The following PDZD2 variants were observed in gnomAD, a reference collection of about 807,000 sequenced individuals.
The protein encoded by PDZD2 is PDZ domain-containing protein 2.
In PDZD2, 90 loss-of-function variants were observed where a neutral mutation model predicts 220.7. The observed-to-expected ratio is 0.41, with a 90% CI of 0.34 to 0.49. PDZD2 has a LOEUF of 0.49. Among genes scored for constraint, PDZD2 ranks in the 20% least tolerant of loss-of-function variants. The probability of loss-of-function intolerance (pLI) is 0.28; values close to 1 mark genes in which losing one functional copy is unlikely to be tolerated. For synonymous variants in PDZD2, 1,375 were observed against 1,450.5 expected (o/e 0.95, Z 1.18); for missense variants, 3,174 against 3,608.5 (o/e 0.88, Z 3.08).
At chr5:31,935,542 TA>T (rs1306484019) in intron 2 of PDZD2, among the ~76,000 whole-genome samples, 4 of 152,232 alleles carry the variant, frequency 2.6e-5, no homozygotes, top group Non-Finnish European at 4.4e-5. Context: ...AGAAAAGTTG[TA>T]AATTTGGTGT....
At chr5:31,821,906 CAT>C in intron 2 of PDZD2, among the ~76,000 whole-genome samples, 1 of 150,220 alleles carries the variant, frequency 6.7e-6, no homozygotes, top group East Asian at 1.9e-4. Flanking sequence ...CGTGTGTTCT[CAT>C]TGTTCAACTC....
chr5:31,868,508 T>C (rs74905210), intron 2 of PDZD2, among the ~76,000 whole-genome samples: 3,146 of 152,282 alleles, frequency 0.021, 106 homozygotes, highest in African/African-American at 0.073. Context: ...AGCATACCTG[T>C]CTTGCTTTTC....
chr5:32,105,927 T>TACA (rs1386957907), intron 24 of PDZD2, among the ~76,000 whole-genome samples: 2 of 152,252 alleles, frequency 1.3e-5, no homozygotes, highest in Non-Finnish European at 2.9e-5. Context: ...CTCTGCTTTG[T>TACA]ACAACACTGA....
intron 1 of PDZD2, among the ~76,000 whole-genome samples, chr5:31,678,579 C>T (rs1364418670): frequency 6.6e-6 from 1 of 152,094 alleles, no homozygotes; most frequent in Non-Finnish European, 1.5e-5. Flanking sequence ...CATCACAGCA[C>T]CCCCTACAGC....
chr5:31,805,245 T>C lies in PDZD2; in HGVS notation c.476+5521T>C, dbSNP rs184062356. Among the ~76,000 whole-genome samples, 15 of 152,342 alleles carry C rather than the reference T, an allele frequency of 9.8e-5. No individual in the cohort carries two copies. In the East Asian group the frequency reaches 2.7e-3, roughly 27 times the overall value. ...GCCCAATTGTAATATAGACTCCTTTTGGCAAACTTAGCTCTAGCCAGAGCT... is the reference window on the plus strand; with the variant it reads ...GCCCAATTGTAATATAGACTCCTTTCGGCAAACTTAGCTCTAGCCAGAGCT... On this transcript the variant is annotated intron_variant, in intron 2 of 24. Coordinates refer to ENST00000438447, the MANE Select transcript of PDZD2 (RefSeq NM_178140.4).
At chr5:32,043,542 T>C (rs1398530048) in intron 7 of PDZD2, among the ~76,000 whole-genome samples, 2 of 152,246 alleles carry the variant, frequency 1.3e-5, no homozygotes, top group Non-Finnish European at 2.9e-5. Context: ...TTTGGAAGAA[T>C]GCATATGGCA....
intron 18 of PDZD2, among the ~76,000 whole-genome samples, chr5:32,074,967 C>T (rs994371828): frequency 2.6e-4 from 39 of 152,206 alleles, no homozygotes; most frequent in African/African-American, 9.1e-4. Context: ...CACACCACCA[C>T]GCCTGGCTAA....
intron 1 of PDZD2, among the ~76,000 whole-genome samples, chr5:31,685,161 C>A (rs11956067): frequency 6.6e-6 from 1 of 151,988 alleles, no homozygotes; most frequent in Admixed American, 6.6e-5. Context: ...CTGCCCTACC[C>A]GCTTGACCCC....
chr5:31,887,250 AAC>A (rs1342917857), intron 2 of PDZD2, among the ~76,000 whole-genome samples: 3 of 152,174 alleles, frequency 2.0e-5, no homozygotes, highest in African/African-American at 4.8e-5. Flanking sequence ...CGCACACACA[AAC>A]ACACATACAC....
chr5:31,821,846 A>ACCCCCCCTC (rs35928511), intron 2 of PDZD2, among the ~76,000 whole-genome samples: 2 of 147,118 alleles, frequency 1.4e-5, no homozygotes, highest in African/African-American at 5.1e-5. Flanking sequence ...CCCTCCCCTT[A>ACCCCCCCTC]CCCCCATCCC....
Position 31,985,854 on chromosome 5 carries a change from G to A in PDZD2, c.978+2198G>A, listed in dbSNP as rs577452027. Among the ~76,000 whole-genome samples the A allele has an allele frequency of 1.6e-4, 24 of 151,966 alleles. No individual in the cohort carries two copies. The South Asian group carries it at 1.9e-3, about 12-fold the overall frequency. ...AGCACTTTGGGAGGCCAAGGTGGGT[G>A]GATCACCTGAGGTCAGGAGTTCGAG... is the stretch of plus-strand genomic sequence containing the variant. On this transcript the variant is annotated intron_variant, in intron 3 of 24. Coordinates refer to ENST00000438447, the MANE Select transcript of PDZD2 (RefSeq NM_178140.4).
Position 32,026,342 on chromosome 5 carries a change from G to A in PDZD2, c.1408-10889G>A, listed in dbSNP as rs551685905. Among the ~76,000 whole-genome samples the A allele has an allele frequency of 1.4e-4, 21 of 152,160 alleles. No homozygotes were observed. The South Asian group carries it at 4.2e-3, about 30-fold the overall frequency. ...TGTAGAGACGGGGTCTTGTGATGTT[G>A]CCCAGGCTGGTCTTGAACTCCTGGG... On this transcript the variant is annotated intron_variant, in intron 6 of 24. Transcript: ENST00000438447.
chr5:31,940,819 G>A (rs1457426270), intron 2 of PDZD2, among the ~76,000 whole-genome samples: 1 of 152,216 alleles, frequency 6.6e-6, no homozygotes, highest in Non-Finnish European at 1.5e-5. Flanking sequence ...GACCGCAGGG[G>A]CAGAACATCA....
At chr5:31,758,429 A>C (rs141409889) in intron 1 of PDZD2, among the ~76,000 whole-genome samples, 1 of 152,198 alleles carries the variant, frequency 6.6e-6, no homozygotes, top group Admixed American at 6.5e-5. Flanking sequence ...GGGCCTGGAA[A>C]TGGACCACAA....
intron 1 of PDZD2, among the ~76,000 whole-genome samples, chr5:31,786,597 A>G (rs573992156): frequency 6.6e-6 from 1 of 151,972 alleles, no homozygotes; most frequent in Non-Finnish European, 1.5e-5. Context: ...CAAAACTTCC[A>G]TGGTTGTGTA....
In PDZD2 at chr5:31,703,063, C is replaced by T. The variant is rs2150134720; in HGVS notation, c.-361+63626C>T. Among the ~76,000 whole-genome samples, 3 of 152,354 alleles carry T rather than the reference C, an allele frequency of 2.0e-5. No homozygotes were observed. The Middle Eastern group carries it at 0.01, about 518-fold the overall frequency. Reference sequence around the variant, plus strand: ...ACCACTGGTCACCAGCTGGTCTTCTCAGCTCCACTCATACATAGAAGAGCA... The same window carrying T: ...ACCACTGGTCACCAGCTGGTCTTCTTAGCTCCACTCATACATAGAAGAGCA... On this transcript the variant is annotated intron_variant, in intron 1 of 24. Transcript: ENST00000438447.
chr5:31,758,975 CCCT>C (rs1482429884), intron 1 of PDZD2, among the ~76,000 whole-genome samples: 3 of 152,108 alleles, frequency 2.0e-5, no homozygotes, highest in Non-Finnish European at 4.4e-5. Flanking sequence ...GTTTCCCACT[CCCT>C]CCTCCTCTTC....
In PDZD2 at chr5:31,799,674, C is replaced by A; in HGVS notation, c.426C>A (p.Ile142=). The A allele has an allele frequency of 1.2e-6, 2 of 1,613,974 alleles. No homozygotes were observed. The highest frequency in any genetic ancestry group is 1.7e-6 in the Non-Finnish European group (2 of 1,179,948). ...KSGKVRLRDE[I]LSLNGQLMVG... ...GGAAGGTCCGACTGCGGGATGAGAT[C>A]CTCTCACTGAATGGGCAGCTGATGG... The change falls in exon 2 of 25, where the codon ATC becomes ATA. Residue 142 remains isoleucine (I), a synonymous_variant. Transcript: ENST00000438447.
At chr5:32,076,288 GAAAAA>G (rs67898034) in intron 18 of PDZD2, among the ~76,000 whole-genome samples, 2 of 87,932 alleles carry the variant, frequency 2.3e-5, no homozygotes, top group Non-Finnish European at 4.5e-5. Context: ...TCGGTCTCAA[GAAAAA>G]AAAAAAAAAA....
Sources: allele counts gnomAD v4.1 joint callset (sites outside exome capture counted in the v4.1 genomes callset), GRCh38; gene constraint gnomAD v4.1.1; transcripts MANE v1.5; gene names NCBI Gene and HGNC (gene_info 2026-07-23, HGNC 2026-07-21).